Variants in APBA1 observed in about 807,000 individuals in gnomAD.
APBA1 encodes the protein amyloid-beta A4 precursor protein-binding family A member 1.
In APBA1, 55 loss-of-function variants were observed where a neutral mutation model predicts 86.6. The ratio of observed to expected loss-of-function variants is 0.64; its 90% CI spans 0.51 to 0.80. The LOEUF is 0.80. Ranked by LOEUF, APBA1 falls within the 30% of genes least tolerant of loss-of-function variation. The pLI is 0.00. For synonymous variants in APBA1, 511 were observed against 493.9 expected (o/e 1.03, Z -0.46); for missense variants, 1,090 against 1,183.0 (o/e 0.92, Z 1.15).
rs146989913 is a variant in APBA1 at position 69,476,047 on chromosome 9, C to T, written c.1296+1G>A. On this transcript the variant is annotated splice_donor_variant, in intron 3 of 12. Transcript: ENST00000265381. LOFTEE classifies it high-confidence loss of function. ...GCTTTGGTAACAAAACAGCACCCTA[C>T]CTCTTTATTAGTGGACGCTTCCACA... 6.2e-7 allele frequency: 1 copy of T among 1,613,384 alleles called. No homozygotes were observed. Among genetic ancestry groups the T allele is most frequent in the Non-Finnish European group, 8.5e-7 (1 of 1,179,376 alleles).
Position 69,517,019 on chromosome 9 carries a change from G to A in APBA1, c.192C>T (p.Leu64=). The A allele has an allele frequency of 6.3e-7, 1 of 1,578,328 alleles. No individual in the cohort carries two copies. Among genetic ancestry groups the A allele is most frequent in the Non-Finnish European group, 8.6e-7 (1 of 1,168,862 alleles). Residue 64 remains leucine (L), a synonymous_variant, in exon 2 of 13, where the codon CTC becomes CTT. Transcript: ENST00000265381. ...CCCCGCGCTCCTCTTCCTCCTGGCCGAGCTGGGCGCGGAGGTCCTCGAGGG... is the reference window on the plus strand; with the variant it reads ...CCCCGCGCTCCTCTTCCTCCTGGCCAAGCTGGGCGCGGAGGTCCTCGAGGG... ...GRALEDLRAQ[L]GQEEEERGEC...
chr9:69,476,103 G>A lies in APBA1; in HGVS notation c.1241C>T (p.Ser414Leu), dbSNP rs201849958. 447 of 1,614,012 alleles carry A rather than the reference G, an allele frequency of 2.8e-4. 2 individuals are homozygous for A. Among genetic ancestry groups the A allele is most frequent in the Middle Eastern group, 8.2e-4 (5 of 6,080 alleles). The stretch of plus-strand genomic sequence containing the variant: ...ACTGGGGTGAAGAGATGTGCTTGAT[G>A]ACTCTGCACCCAAGGGGGAGGAGCT... ...PGSSSPLGAE[S>L]SSTSLHPSDP... The change falls in exon 3 of 13, where the codon TCA becomes TTA. Residue 414 changes from serine to leucine, a missense_variant. Physicochemically the swap from Ser to Leu is moderately radical, Grantham distance 145. Around this residue, in one of 6 missense-constraint regions of APBA1, gnomAD observed 678 missense variants for 647.1 expected, o/e 1.05. Coordinates refer to ENST00000265381, the MANE Select transcript of APBA1 (RefSeq NM_001163.4).
At position 69,641,127 on chromosome 9, in the gene APBA1, C is replaced by T. The variant is rs550409769; in HGVS notation, c.-70+31026G>A. 2.2e-3 allele frequency among the ~76,000 whole-genome samples: 335 copies of T among 152,050 alleles called. 2 individuals carry two copies. The highest frequency in any genetic ancestry group is 7.5e-3 in the African/African-American group (309 of 41,458). ...AGTTTAACAAGGTCACAAGATACAA[C>T]GTCAATATATGAAATGCAATGACAT... is the stretch of plus-strand genomic sequence containing the variant. On this transcript the variant is annotated intron_variant, in intron 1 of 12. Coordinates refer to ENST00000265381, the MANE Select transcript of APBA1 (RefSeq NM_001163.4).
intron 2 of APBA1, among the ~76,000 whole-genome samples, chr9:69,481,411 A>G (rs1432726642): frequency 2.6e-5 from 4 of 152,084 alleles, no homozygotes; most frequent in Non-Finnish European, 4.4e-5. Flanking sequence ...TCCAACTTAC[A>G]AGGGATATGA....
chr9:69,433,138 T>C (rs1834634601), intron 11 of APBA1, among the ~76,000 whole-genome samples: 1 of 152,224 alleles, frequency 6.6e-6, no homozygotes, highest in Non-Finnish European at 1.5e-5. Context: ...CTCCACTCCG[T>C]GTTCCAAAGT....
intron 2 of APBA1, among the ~76,000 whole-genome samples, chr9:69,492,702 A>G (rs1835733537): frequency 2.6e-5 from 4 of 152,094 alleles, no homozygotes; most frequent in Admixed American, 2.6e-4. Context: ...ATTGATTTAC[A>G]TAAGAGAATC....
chr9:69,491,562 C>G (rs1835711105), intron 2 of APBA1, among the ~76,000 whole-genome samples: 1 of 151,158 alleles, frequency 6.6e-6, no homozygotes, highest in South Asian at 2.1e-4. Context: ...ATGTAACAAA[C>G]CTGCACATTG....
intron 11 of APBA1, among the ~76,000 whole-genome samples, chr9:69,439,676 C>A (rs1056876185): frequency 3.3e-5 from 5 of 152,150 alleles, no homozygotes; most frequent in Admixed American, 2.0e-4. Flanking sequence ...TTCTAGTTAT[C>A]CATTCGTCTA....
intron 12 of APBA1, among the ~76,000 whole-genome samples, 175 bp downstream of exon 12, chr9:69,432,361 T>C (rs545530783): frequency 6.6e-6 from 1 of 152,266 alleles, no homozygotes; most frequent in East Asian, 1.9e-4. Context: ...CCCAGATAAC[T>C]GCTTGCTAAT....
chr9:69,660,583 T>C (rs1010749832), intron 1 of APBA1, among the ~76,000 whole-genome samples: 2 of 152,214 alleles, frequency 1.3e-5, no homozygotes, highest in East Asian at 3.8e-4. Flanking sequence ...AGGGGGGAAA[T>C]ACTTTAAGGC....
At chr9:69,600,245 TG>T (rs1333661873) in intron 1 of APBA1, among the ~76,000 whole-genome samples, 1 of 152,310 alleles carries the variant, frequency 6.6e-6, no homozygotes, top group East Asian at 1.9e-4. Flanking sequence ...CCGCTGACTA[TG>T]GTGATGGCGA....
In APBA1 at chr9:69,458,670, T is replaced by G. The variant is rs138352404; in HGVS notation, c.1483-482A>C. Among the ~76,000 whole-genome samples the G allele has an allele frequency of 2.3e-3, 346 of 152,310 alleles. 1 individual carries two copies. The highest frequency in any genetic ancestry group is 7.8e-3 in the African/African-American group (325 of 41,566). ...CATTGCTTTGGATGTATTCCACAGA[T>G]TTTTGTGTTTCAATTTAATCATTGT... On this transcript the variant is annotated intron_variant, in intron 5 of 12. Coordinates refer to ENST00000265381, the MANE Select transcript of APBA1 (RefSeq NM_001163.4).
At chr9:69,552,610 G>T (rs1192754693) in intron 1 of APBA1, among the ~76,000 whole-genome samples, 1 of 152,124 alleles carries the variant, frequency 6.6e-6, no homozygotes, top group Non-Finnish European at 1.5e-5. Context: ...ACACAGATAC[G>T]CTGTCTAGCA....
At chr9:69,594,137 T>A (rs1370711006) in intron 1 of APBA1, among the ~76,000 whole-genome samples, 1 of 152,158 alleles carries the variant, frequency 6.6e-6, no homozygotes, top group Non-Finnish European at 1.5e-5. Context: ...TGTCCAACTT[T>A]TCCCCTTGTA....
At chr9:69,500,328 G>A (rs1423728039) in intron 2 of APBA1, among the ~76,000 whole-genome samples, 1 of 152,106 alleles carries the variant, frequency 6.6e-6, no homozygotes, top group African/African-American at 2.4e-5. Context: ...CAACAAACTT[G>A]TGATTCTTGT....
chr9:69,530,114 A>G (rs2133905039), intron 1 of APBA1, among the ~76,000 whole-genome samples: 1 of 152,220 alleles, frequency 6.6e-6, no homozygotes, highest in East Asian at 1.9e-4. Flanking sequence ...TCAAAGAACT[A>G]AAAATAGAAC....
chr9:69,465,157 G>C (rs1461456319), intron 5 of APBA1: 5 of 152,186 alleles, frequency 3.3e-5, no homozygotes, highest in Non-Finnish European at 1.5e-5. Context: ...ATAGGGTCTT[G>C]AGCACACCTG....
chr9:69,602,536 A>G (rs1822372649), intron 1 of APBA1, among the ~76,000 whole-genome samples: 1 of 152,004 alleles, frequency 6.6e-6, no homozygotes, highest in Non-Finnish European at 1.5e-5. Context: ...GCGCCACTGC[A>G]TTCCAGCCTG....
At chr9:69,600,555 C>T (rs1457418128) in intron 1 of APBA1, among the ~76,000 whole-genome samples, 2 of 152,046 alleles carry the variant, frequency 1.3e-5, no homozygotes, top group Admixed American at 6.6e-5. Context: ...GTAACCTCAG[C>T]TTTGGGAGGG....
Sources: allele counts gnomAD v4.1 joint callset (sites outside exome capture counted in the v4.1 genomes callset), GRCh38; gene constraint gnomAD v4.1.1; regional missense constraint gnomAD v4.1.1; transcripts MANE v1.5; gene names NCBI Gene and HGNC (gene_info 2026-07-23, HGNC 2026-07-21).